The following PREX1 variants were observed in gnomAD, a reference collection of about 807,000 sequenced individuals.
PREX1 encodes the protein phosphatidylinositol-3,4,5-trisphosphate dependent Rac exchange factor 1.
PREX1 carries 41 observed loss-of-function variants against 198.3 expected under a neutral mutation model. The ratio of observed to expected loss-of-function variants is 0.21; its 90% CI spans 0.16 to 0.27. PREX1 has a LOEUF of 0.27. Ranked by LOEUF, PREX1 falls within the 10% of genes least tolerant of loss-of-function variation. The pLI is 1.00. For synonymous variants in PREX1, 843 were observed against 887.2 expected (o/e 0.95, Z 0.89); for missense variants, 1,620 against 2,200.7 (o/e 0.74, Z 5.28).
At chr20:48,884,499 T>A in the PREX1 span, among the ~76,000 whole-genome samples, 1 of 152,194 alleles carries the variant, frequency 6.6e-6, no homozygotes, top group Non-Finnish European at 1.5e-5. Flanking sequence ...TCACATCATA[T>A]GCAAACAATA....
intron 4 of PREX1, 65 bp from the exon 5 acceptor site, chr20:48,726,456 A>C: frequency 1.5e-5 from 17 of 1,125,768 alleles, no homozygotes; most frequent in Non-Finnish European, 2.3e-5. Flanking sequence ...AGCCACCCTC[A>C]ACCATGAGAA....
intron 1 of PREX1, among the ~76,000 whole-genome samples, chr20:48,757,551 T>C (rs968630830): frequency 6.6e-6 from 1 of 152,226 alleles, no homozygotes; most frequent in African/African-American, 2.4e-5. Context: ...TTGCCTCATC[T>C]ATAAAATCTG....
At chr20:48,881,637 C>T in the PREX1 span, among the ~76,000 whole-genome samples, 1 of 152,098 alleles carries the variant, frequency 6.6e-6, no homozygotes, top group Non-Finnish European at 1.5e-5. Context: ...CAGGCACCTG[C>T]CACGACGCCC....
intron 6 of PREX1, among the ~76,000 whole-genome samples, chr20:48,706,312 C>T (rs910811174): frequency 3.3e-5 from 5 of 152,254 alleles, no homozygotes; most frequent in African/African-American, 1.2e-4. Flanking sequence ...TGCCAGGAAA[C>T]TCTCTGTCTC....
At chr20:48,884,744 G>A in the PREX1 span, among the ~76,000 whole-genome samples, 1 of 152,144 alleles carries the variant, frequency 6.6e-6, no homozygotes, top group African/African-American at 2.4e-5. Flanking sequence ...TGAATGGGAG[G>A]AAATATTTGC....
the PREX1 span, among the ~76,000 whole-genome samples, chr20:48,838,613 G>T: frequency 1.3e-5 from 2 of 152,142 alleles, no homozygotes; most frequent in South Asian, 4.1e-4. Flanking sequence ...ATACATAGAT[G>T]AATGGGGAGG....
At chr20:48,758,283 G>T (rs971852734) in intron 1 of PREX1, among the ~76,000 whole-genome samples, 1 of 152,192 alleles carries the variant, frequency 6.6e-6, no homozygotes, top group Admixed American at 6.5e-5. Flanking sequence ...ACTAGTTTAA[G>T]GGCAGTGGGG....
At chr20:48,696,615 A>G (rs1423541397) in intron 7 of PREX1, among the ~76,000 whole-genome samples, 1 of 73,648 alleles carries the variant, frequency 1.4e-5, no homozygotes, top group Non-Finnish European at 2.9e-5. Context: ...ACACATACAT[A>G]CATACATACA....
intron 10 of PREX1, among the ~76,000 whole-genome samples, chr20:48,687,412 C>T (rs1335383135): frequency 2.6e-5 from 4 of 152,364 alleles, no homozygotes; most frequent in Non-Finnish European, 2.9e-5. Context: ...TACTTTTCCA[C>T]CCCATCAGCA....
At chr20:48,705,620 C>A (rs2089899378) in intron 6 of PREX1, among the ~76,000 whole-genome samples, 1 of 152,230 alleles carries the variant, frequency 6.6e-6, no homozygotes, top group African/African-American at 2.4e-5. Flanking sequence ...TCCTCAGAGA[C>A]TGTAACTACT....
chr20:48,650,800 G>T, intron 23 of PREX1, 94 bp downstream of exon 23: 1 of 1,454,174 alleles, frequency 6.9e-7, no homozygotes, highest in Non-Finnish European at 9.4e-7. Flanking sequence ...CAGCTGAGTT[G>T]GGTTGGGCTT....
intron 17 of PREX1, among the ~76,000 whole-genome samples, chr20:48,657,602 C>G (rs1276744954): frequency 6.6e-6 from 1 of 152,228 alleles, no homozygotes; most frequent in Non-Finnish European, 1.5e-5. Flanking sequence ...CCTAGCCGCT[C>G]CGGCCATGGG....
chr20:48,826,475 G>A (rs893391283), intron 1 of PREX1, among the ~76,000 whole-genome samples: 1 of 152,146 alleles, frequency 6.6e-6, no homozygotes, highest in Admixed American at 6.5e-5. Context: ...GGATAGTCCC[G>A]GTTCAAAGCC....
At chr20:48,645,365 G>A (rs2089443474) in intron 26 of PREX1, among the ~76,000 whole-genome samples, 1 of 152,190 alleles carries the variant, frequency 6.6e-6, no homozygotes, top group African/African-American at 2.4e-5. Flanking sequence ...AGGAAACTGA[G>A]TTTTAGTCTA....
chr20:48,627,439 G>A, intron 39 of PREX1, 109 bp downstream of exon 39: 2 of 1,235,308 alleles, frequency 1.6e-6, no homozygotes, highest in South Asian at 1.2e-5. Flanking sequence ...AAATGAGAGG[G>A]GAAGCCCCAT....
At chr20:48,878,302 C>G in the PREX1 span, among the ~76,000 whole-genome samples, 1 of 152,084 alleles carries the variant, frequency 6.6e-6, no homozygotes, top group Non-Finnish European at 1.5e-5. Context: ...TAAAATGAGA[C>G]CTCTTCTAGT....
At chr20:48,722,951 G>A (rs2122687000) in intron 5 of PREX1, among the ~76,000 whole-genome samples, 1 of 152,310 alleles carries the variant, frequency 6.6e-6, no homozygotes, top group East Asian at 1.9e-4. Context: ...CCCCCCACCG[G>A]CACCAGCCAG....
chr20:48,771,864 CTAT>C (rs934496581), intron 1 of PREX1, among the ~76,000 whole-genome samples: 13 of 152,138 alleles, frequency 8.5e-5, no homozygotes, highest in African/African-American at 3.1e-4. Flanking sequence ...GCGTGTTTTG[CTAT>C]TATTATTACT....
At chr20:48,695,574 A>G (rs1393418122) in intron 7 of PREX1, among the ~76,000 whole-genome samples, 2 of 152,234 alleles carry the variant, frequency 1.3e-5, no homozygotes, top group Non-Finnish European at 2.9e-5. Context: ...CACATCCTCT[A>G]TAACTGGTAT....
Sources: allele counts gnomAD v4.1 joint callset (sites outside exome capture counted in the v4.1 genomes callset), GRCh38; gene constraint gnomAD v4.1.1; transcripts MANE v1.5; gene names NCBI Gene and HGNC (gene_info 2026-07-23, HGNC 2026-07-21).